LMBR1: variants seen among roughly 807,000 people sequenced by gnomAD.
LMBR1 encodes limb development membrane protein 1.
A neutral mutation model predicts 73.9 loss-of-function variants in LMBR1; 52 were observed. The ratio of observed to expected loss-of-function variants is 0.70; its 90% CI spans 0.56 to 0.89. The LOEUF (loss-of-function observed/expected upper bound fraction) is 0.89. Ranked by LOEUF, LMBR1 falls within the 40% of genes least tolerant of loss-of-function variation. The probability of loss-of-function intolerance (pLI) is 0.00; values close to 1 mark genes in which losing one functional copy is unlikely to be tolerated. For missense variants in LMBR1, 539 were observed against 579.8 expected (o/e 0.93, Z 0.72); for synonymous variants, 215 against 209.4 (o/e 1.03, Z -0.23).
At chr7:156,717,602 G>T (rs1813502074) in intron 15 of LMBR1, among the ~76,000 whole-genome samples, 1 of 152,170 alleles carries the variant, frequency 6.6e-6, no homozygotes, top group African/African-American at 2.4e-5. Context: ...AGAATCCATA[G>T]AATGAGGCAA....
chr7:156,891,209 AAAATATATATATAT>A (rs1185583655), intron 1 of LMBR1, among the ~76,000 whole-genome samples: 20 of 89,372 alleles, frequency 2.2e-4, no homozygotes, highest in Non-Finnish European at 3.9e-4. Context: ...AAAAAAAAAA[AAAATATATATATAT>A]ATATATATAT....
At chr7:156,869,890 T>C (rs112681204) in intron 1 of LMBR1, among the ~76,000 whole-genome samples, 4,250 of 152,240 alleles carry the variant, frequency 0.028, 203 homozygotes, top group African/African-American at 0.097. Context: ...ACACAAGACA[T>C]TCATCATTTC....
At chr7:156,843,638 GAGTTCAACACC>G (rs1839096051) in intron 1 of LMBR1, among the ~76,000 whole-genome samples, 1 of 152,000 alleles carries the variant, frequency 6.6e-6, no homozygotes, top group African/African-American at 2.4e-5. Flanking sequence ...TTGAGGTCAG[GAGTTCAACACC>G]AGCCTGGCCA....
intron 1 of LMBR1, among the ~76,000 whole-genome samples, chr7:156,864,889 A>G (rs993018210): frequency 2.6e-5 from 4 of 151,366 alleles, no homozygotes; most frequent in African/African-American, 9.7e-5. Flanking sequence ...CCAGGTATTC[A>G]GGAGGCTGAG....
chr7:156,787,614 C>T (rs1394051744), intron 5 of LMBR1, among the ~76,000 whole-genome samples: 1 of 152,036 alleles, frequency 6.6e-6, no homozygotes, highest in African/African-American at 2.4e-5. Flanking sequence ...CTTCTAAAAC[C>T]CTGATTTATT....
At chr7:156,757,655 CA>C (rs942737594) in intron 8 of LMBR1, among the ~76,000 whole-genome samples, 1 of 151,762 alleles carries the variant, frequency 6.6e-6, no homozygotes, top group African/African-American at 2.4e-5. Context: ...TCACACTCAG[CA>C]AAAAAAATAA....
At chr7:156,885,603 G>A (rs1379557306) in intron 1 of LMBR1, among the ~76,000 whole-genome samples, 2 of 151,914 alleles carry the variant, frequency 1.3e-5, no homozygotes, top group East Asian at 3.9e-4. Flanking sequence ...ATGGCCAGAC[G>A]CATTGACTCA....
At chr7:156,873,027 C>G (rs1249652396) in intron 1 of LMBR1, among the ~76,000 whole-genome samples, 3 of 148,460 alleles carry the variant, frequency 2.0e-5, no homozygotes, top group Non-Finnish European at 4.5e-5. Context: ...GGCGCGTTGG[C>G]ACGTCTGGAG....
chr7:156,705,785 C>G (rs957896818), intron 15 of LMBR1, among the ~76,000 whole-genome samples: 1 of 152,048 alleles, frequency 6.6e-6, no homozygotes, highest in Admixed American at 6.6e-5. Context: ...GTAAAACAAT[C>G]ACACAAAGGA....
intron 15 of LMBR1, 69 bp downstream of exon 15, chr7:156,724,042 TA>T: frequency 9.1e-7 from 1 of 1,095,970 alleles, no homozygotes. Flanking sequence ...GAGTAAATGT[TA>T]AATAAGTTCA....
intron 15 of LMBR1, among the ~76,000 whole-genome samples, chr7:156,698,248 C>A (rs1208486730): frequency 3.3e-5 from 5 of 152,188 alleles, no homozygotes; most frequent in Admixed American, 3.3e-4. Flanking sequence ...AGCCTCCCTC[C>A]CAGCTGCTTT....
chr7:156,806,109 G>A (rs889410037), intron 4 of LMBR1, among the ~76,000 whole-genome samples: 1 of 150,790 alleles, frequency 6.6e-6, no homozygotes, highest in African/African-American at 2.4e-5. Flanking sequence ...CTGATAAAGT[G>A]TCTTCGAATC....
At chr7:156,713,376 A>T (rs77567524) in intron 15 of LMBR1, among the ~76,000 whole-genome samples, 2,942 of 151,726 alleles carry the variant, frequency 0.019, 107 homozygotes, top group African/African-American at 0.067. Flanking sequence ...AATGAACCCT[A>T]ACGTAAACTC....
chr7:156,700,608 G>A (rs905600013), intron 15 of LMBR1, among the ~76,000 whole-genome samples: 2 of 152,042 alleles, frequency 1.3e-5, no homozygotes, highest in African/African-American at 4.8e-5. Context: ...ATCCCCACCT[G>A]AGACCACCTC....
intron 5 of LMBR1, among the ~76,000 whole-genome samples, chr7:156,788,576 G>A (rs770578064): frequency 6.6e-5 from 10 of 151,172 alleles, no homozygotes; most frequent in Admixed American, 3.3e-4. Context: ...AATACCTGGC[G>A]TACTCACCAA....
intron 3 of LMBR1, among the ~76,000 whole-genome samples, chr7:156,832,783 G>A (rs140739956): frequency 6.6e-6 from 1 of 152,256 alleles, no homozygotes; most frequent in African/African-American, 2.4e-5. Context: ...TATGAAGAAA[G>A]ATCAGACAAA....
intron 5 of LMBR1, among the ~76,000 whole-genome samples, chr7:156,785,122 T>C (rs1276640676): frequency 2.0e-5 from 3 of 151,952 alleles, no homozygotes; most frequent in Non-Finnish European, 4.4e-5. Flanking sequence ...ATACAAAACA[T>C]GATTTGGGGC....
At chr7:156,675,735 A>G, downstream of LMBR1, 1 of 1,613,766 alleles carries the variant, frequency 6.2e-7, no homozygotes. Flanking sequence ...CTCATACAAC[A>G]CCAACATTGA....
chr7:156,675,744 GA>G, downstream of LMBR1: 1 of 1,613,708 alleles, frequency 6.2e-7, no homozygotes, highest in East Asian at 2.2e-5. Context: ...CACCAACATT[GA>G]AGAGCTCTTT....
Sources: allele counts gnomAD v4.1 joint callset (sites outside exome capture counted in the v4.1 genomes callset), GRCh38; gene constraint gnomAD v4.1.1; transcripts MANE v1.5; gene names NCBI Gene and HGNC (gene_info 2026-07-23, HGNC 2026-07-21).